The following PSMD14 variants were observed in gnomAD, a reference collection of about 807,000 sequenced individuals.
The protein encoded by PSMD14 is proteasome 26S subunit, non-ATPase 14, also known as ubiquitin C-terminal hydrolase PSMD14.
A neutral mutation model predicts 41.2 loss-of-function variants in PSMD14; 7 were observed. The observed-to-expected ratio is 0.17, with a 90% CI of 0.10 to 0.32. The LOEUF (loss-of-function observed/expected upper bound fraction) is 0.32. Among genes scored for constraint, PSMD14 ranks in the 10% least tolerant of loss-of-function variants. The pLI, the probability that PSMD14 is intolerant of heterozygous loss-of-function variation, is 1.00. For missense variants in PSMD14, 139 were observed against 375.6 expected, an observed-to-expected ratio of 0.37 and a Z score of 5.21; for synonymous variants, 114 against 122.3, an observed-to-expected ratio of 0.93 and a Z score of 0.45.
At chr2:161,363,953 C>G (rs1683324807) in intron 3 of PSMD14, among the ~76,000 whole-genome samples, 1 of 152,210 alleles carries the variant, frequency 6.6e-6, no homozygotes. Context: ...GACCCCCTGC[C>G]TTACTGCAAG....
intron 11 of PSMD14, 54 bp from the exon 12 acceptor site, chr2:161,411,248 T>C (rs1430060548): frequency 8.1e-7 from 1 of 1,234,026 alleles, no homozygotes; most frequent in Non-Finnish European, 1.1e-6. Flanking sequence ...TTTAAGTAAT[T>C]TATCTACCAG....
intron 3 of PSMD14, among the ~76,000 whole-genome samples, chr2:161,349,612 A>C (rs1008793938): frequency 2.6e-5 from 4 of 152,160 alleles, no homozygotes; most frequent in African/African-American, 9.7e-5. Flanking sequence ...ACTGACCTAG[A>C]TCCTATGTGA....
In PSMD14 at chr2:161,401,642, G is replaced by A. The variant is rs544016780; in HGVS notation, c.771+6439G>A. On this transcript the variant is annotated intron_variant, in intron 10 of 11. Coordinates refer to ENST00000409682, the MANE Select transcript of PSMD14 (RefSeq NM_005805.6). ...CTTACATACATATATACACACACAAGCATGTGTGCACATACATATATGATC... is the reference window on the plus strand; with the variant it reads ...CTTACATACATATATACACACACAAACATGTGTGCACATACATATATGATC... 2.6e-5 allele frequency among the ~76,000 whole-genome samples: 4 copies of A among 152,226 alleles called. No homozygotes were observed. In the East Asian group the frequency reaches 5.8e-4, roughly 22 times the overall value.
chr2:161,376,134 T>G (rs1683499895), intron 7 of PSMD14, among the ~76,000 whole-genome samples: 1 of 149,880 alleles, frequency 6.7e-6, no homozygotes, highest in Non-Finnish European at 1.5e-5. Context: ...CTCTCTCATA[T>G]AGAGAGAGAG....
intron 7 of PSMD14, among the ~76,000 whole-genome samples, 170 bp downstream of exon 7, chr2:161,371,492 A>G (rs1476522355): frequency 1.3e-5 from 2 of 152,142 alleles, no homozygotes; most frequent in East Asian, 1.9e-4. Context: ...TCTTGGTATT[A>G]TTAGCAATTT....
intron 1 of PSMD14, among the ~76,000 whole-genome samples, chr2:161,311,416 A>G (rs1202696777): frequency 6.6e-6 from 1 of 152,084 alleles, no homozygotes; most frequent in African/African-American, 2.4e-5. Context: ...TAATTGTATT[A>G]GTTATTATGA....
intron 3 of PSMD14, among the ~76,000 whole-genome samples, chr2:161,329,213 A>C (rs1682751715): frequency 6.6e-6 from 1 of 152,094 alleles, no homozygotes; most frequent in African/African-American, 2.4e-5. Context: ...CTACCACAAT[A>C]ATGTTTTAAA....
At chr2:161,372,953 T>C (rs1420996902) in intron 7 of PSMD14, among the ~76,000 whole-genome samples, 1 of 151,834 alleles carries the variant, frequency 6.6e-6, no homozygotes, top group East Asian at 1.9e-4. Context: ...TGGTGGCTAC[T>C]TTGAAAAAGG....
At chr2:161,309,953 G>T (rs1221685145) in intron 1 of PSMD14, among the ~76,000 whole-genome samples, 1 of 152,036 alleles carries the variant, frequency 6.6e-6, no homozygotes, top group Non-Finnish European at 1.5e-5. Flanking sequence ...GATCCAGCCT[G>T]GCCAAGACTA....
chr2:161,367,408 C>A (rs763437201), intron 3 of PSMD14, 70 bp from the exon 4 acceptor site: 89 of 1,230,392 alleles, frequency 7.2e-5, no homozygotes, highest in Non-Finnish European at 1.0e-4. Context: ...GTTTATACCA[C>A]ATGTAACTTG....
chr2:161,315,364 C>T (rs1689135502), intron 1 of PSMD14, among the ~76,000 whole-genome samples: 1 of 152,136 alleles, frequency 6.6e-6, no homozygotes, highest in Non-Finnish European at 1.5e-5. Flanking sequence ...TAATCTGTCT[C>T]CTTCCCATTC....
At chr2:161,312,419 C>G (rs559070519) in intron 1 of PSMD14, among the ~76,000 whole-genome samples, 10 of 152,198 alleles carry the variant, frequency 6.6e-5, no homozygotes, top group Non-Finnish European at 1.2e-4. Flanking sequence ...GCTGGGATTA[C>G]AGGCATGAGC....
intron 7 of PSMD14, chr2:161,381,594 CT>C (rs1240096782): frequency 6.6e-6 from 1 of 151,728 alleles, no homozygotes; most frequent in Non-Finnish European, 1.5e-5. Context: ...CAAATTTAGT[CT>C]AGTCTTTCAG....
chr2:161,359,049 G>T (rs1683251156), intron 3 of PSMD14, among the ~76,000 whole-genome samples: 2 of 152,128 alleles, frequency 1.3e-5, no homozygotes, highest in African/African-American at 2.4e-5. Flanking sequence ...GCTCACTACA[G>T]CCCCAGCCTC....
rs1683077818 is a variant in PSMD14, at chr2:161,348,623, G to A, written c.49-18855G>A. On this transcript the variant is annotated intron_variant, in intron 3 of 11. Coordinates refer to ENST00000409682, the MANE Select transcript of PSMD14 (RefSeq NM_005805.6). ...AATAATTCTATACGATTGTTTTTAT[G>A]TACAATTTTAAGATACCCAAAATGA... 2.6e-5 allele frequency among the ~76,000 whole-genome samples: 4 copies of A among 152,182 alleles called. No individual in the cohort carries two copies. In the South Asian group the frequency reaches 8.3e-4, roughly 31 times the overall value.
intron 3 of PSMD14, among the ~76,000 whole-genome samples, chr2:161,329,088 G>A (rs1039544674): frequency 2.3e-4 from 35 of 152,078 alleles, no homozygotes; most frequent in African/African-American, 8.0e-4. Context: ...ATCTTGCAGG[G>A]CCCTGTAGAA....
intron 3 of PSMD14, among the ~76,000 whole-genome samples, chr2:161,330,625 A>G (rs1682773674): frequency 6.6e-6 from 1 of 152,080 alleles, no homozygotes; most frequent in African/African-American, 2.4e-5. Flanking sequence ...ACACAGACTC[A>G]AGGTGGTTCT....
At chr2:161,358,506 G>A (rs978496668) in intron 3 of PSMD14, among the ~76,000 whole-genome samples, 3 of 152,048 alleles carry the variant, frequency 2.0e-5, no homozygotes, top group East Asian at 1.9e-4. Context: ...TCTCCTTTCC[G>A]CTAGGTAGCT....
intron 7 of PSMD14, chr2:161,385,263 G>A (rs1471003650): frequency 2.8e-6 from 1 of 354,232 alleles, no homozygotes; most frequent in East Asian, 4.1e-5. Flanking sequence ...GCAATAATTG[G>A]TGTCACCTTA....
Sources: allele counts gnomAD v4.1 joint callset (sites outside exome capture counted in the v4.1 genomes callset), GRCh38; gene constraint gnomAD v4.1.1; transcripts MANE v1.5; gene names NCBI Gene and HGNC (gene_info 2026-07-23, HGNC 2026-07-21).